Variants in ECT2L observed in about 807,000 individuals in gnomAD.
ECT2L encodes the protein epithelial cell-transforming sequence 2 oncogene-like.
Under a neutral mutation model 122.8 loss-of-function variants are expected in ECT2L, and 126 were observed. The ratio of observed to expected loss-of-function variants is 1.03; its 90% confidence interval spans 0.89 to 1.19. The LOEUF is 1.19. Among genes scored for constraint, ECT2L ranks in the 50% most tolerant of loss-of-function variants. The pLI, the probability that ECT2L is intolerant of heterozygous loss-of-function variation, is 0.00. For missense variants in ECT2L, 1,012 were observed against 1,064.1 expected (o/e 0.95, Z 0.68); for synonymous variants, 385 against 381.8 (o/e 1.01, Z -0.10).
intron 20 of ECT2L, among the ~76,000 whole-genome samples, chr6:138,893,322 C>G (rs1309542091): frequency 6.6e-6 from 1 of 151,788 alleles, no homozygotes; most frequent in African/African-American, 2.4e-5. Flanking sequence ...ACAAGTTTCC[C>G]TTGAGGTCAG....
Position 138,885,825 on chromosome 6 carries a change from G to A in ECT2L, c.2254G>A (p.Asp752Asn), listed in dbSNP as rs1268907933. ...DQIKKYKGYI[D>N]QMKQNITMKD... ...AATCAAAAAATATAAAGGTTATATA[G>A]ATCAGGTTGGTTGCTGATAAGAATC... Residue 752 changes from aspartate to asparagine, a missense_variant, in exon 18 of 22, where the codon GAT (aspartate) becomes AAT (asparagine). Asp to Asn is a conservative substitution (Grantham distance 23). Transcript: ENST00000541398. 1 of 1,612,360 alleles carries A rather than the reference G, an allele frequency of 6.2e-7. No individual in the cohort carries two copies. Among genetic ancestry groups the A allele is most frequent in the Non-Finnish European group, 8.5e-7 (1 of 1,179,270 alleles).
At chr6:138,805,944 G>T (rs927162797) in intron 1 of ECT2L, among the ~76,000 whole-genome samples, 4 of 152,196 alleles carry the variant, frequency 2.6e-5, no homozygotes, top group Non-Finnish European at 5.9e-5. Context: ...GGGAGCAATT[G>T]TTCCTGGCCA....
At chr6:138,901,754 T>C (rs1779403319) in intron 21 of ECT2L, among the ~76,000 whole-genome samples, 1 of 152,258 alleles carries the variant, frequency 6.6e-6, no homozygotes, top group South Asian at 2.1e-4. Context: ...CTTATTCCTA[T>C]ATCTGTTAGG....
intron 4 of ECT2L, among the ~76,000 whole-genome samples, chr6:138,822,568 TAAAC>T (rs1190095937): frequency 6.6e-6 from 1 of 151,604 alleles, no homozygotes; most frequent in East Asian, 1.9e-4. Flanking sequence ...AATAAATAAA[TAAAC>T]AAACAAACAA....
intron 13 of ECT2L, among the ~76,000 whole-genome samples, chr6:138,875,900 T>C (rs555643156): frequency 5.9e-5 from 9 of 152,172 alleles, no homozygotes; most frequent in African/African-American, 2.2e-4. Flanking sequence ...GCGGGCAGAT[T>C]ACCTGAGGTC....
In ECT2L at chr6:138,865,126, G is replaced by A. The variant is rs757849368; in HGVS notation, c.1422G>A (p.Gln474=). The change falls in exon 12 of 22, where the codon CAG becomes CAA. Residue 474 remains glutamine, a synonymous_variant. Transcript: ENST00000541398. ...LEETLKTVRK[Q]LYPFFKELQK... is the part of the protein sequence containing the mutation. Reference sequence around the variant, plus strand: ...AAACCTTGAAAACAGTAAGGAAGCAGCTGTATCCTTTCTTCAAGGAACTGC... The same window carrying A: ...AAACCTTGAAAACAGTAAGGAAGCAACTGTATCCTTTCTTCAAGGAACTGC... 12 of 1,613,838 alleles carry A rather than the reference G, an allele frequency of 7.4e-6. No individual in the cohort carries two copies. In the Admixed American group the frequency reaches 1.5e-4, roughly 20 times the overall value.
intron 14 of ECT2L, 65 bp from the exon 15 acceptor site, chr6:138,880,892 C>A (rs1450168014): frequency 1.4e-6 from 2 of 1,437,366 alleles, no homozygotes; most frequent in African/African-American, 1.4e-5. Flanking sequence ...CTCCGTGTAG[C>A]TGCCTGACTG....
intron 7 of ECT2L, 61 bp from the exon 8 acceptor site, chr6:138,846,478 A>G: frequency 6.7e-7 from 1 of 1,496,110 alleles, no homozygotes; most frequent in Non-Finnish European, 9.0e-7. Flanking sequence ...TATGCTGTGT[A>G]CTTACCAAAA....
At chr6:138,844,308 A>C in intron 6 of ECT2L, 104 bp from the exon 7 acceptor site, 1 of 1,339,930 alleles carries the variant, frequency 7.5e-7, no homozygotes, top group East Asian at 2.3e-5. Flanking sequence ...TGTCATTTGG[A>C]ACCTTGCCCT....
chr6:138,822,137 A>G (rs6570291), intron 4 of ECT2L, among the ~76,000 whole-genome samples: 34,584 of 152,256 alleles, frequency 0.23, 4,277 homozygotes, highest in Middle Eastern at 0.29. Context: ...TTCAACGTTT[A>G]TTCTTTTTTC....
intron 5 of ECT2L, among the ~76,000 whole-genome samples, chr6:138,838,942 C>T (rs1448696463): frequency 6.6e-6 from 1 of 152,086 alleles, no homozygotes; most frequent in Admixed American, 6.5e-5. Context: ...CCACCACGCC[C>T]AGCTAATTTT....
chr6:138,810,880 T>C (rs1186308860), intron 1 of ECT2L, among the ~76,000 whole-genome samples: 1 of 152,198 alleles, frequency 6.6e-6, no homozygotes, highest in Non-Finnish European at 1.5e-5. Context: ...ATGAGCTCTG[T>C]GCTAAAAATA....
intron 12 of ECT2L, 87 bp from the exon 13 acceptor site, chr6:138,868,016 A>T: frequency 2.9e-6 from 2 of 701,718 alleles, no homozygotes; most frequent in Non-Finnish European, 4.3e-6. Flanking sequence ...AAAAAAAAAA[A>T]AAAGAAACTG....
At chr6:138,820,727 C>CT (rs1000327183) in intron 4 of ECT2L, among the ~76,000 whole-genome samples, 6 of 152,104 alleles carry the variant, frequency 3.9e-5, no homozygotes, top group African/African-American at 1.4e-4. Context: ...CATGCATAGT[C>CT]TAAGTATTTA....
chr6:138,819,154 C>A (rs1222357825), intron 4 of ECT2L, among the ~76,000 whole-genome samples: 1 of 151,758 alleles, frequency 6.6e-6, no homozygotes, highest in Non-Finnish European at 1.5e-5. Flanking sequence ...GCCCTTCTAC[C>A]TGCATGGGCT....
chr6:138,871,077 C>A (rs1168326951), intron 13 of ECT2L, among the ~76,000 whole-genome samples: 1 of 152,004 alleles, frequency 6.6e-6, no homozygotes, highest in Non-Finnish European at 1.5e-5. Flanking sequence ...GTTCATCAGG[C>A]CAAAAAGAAT....
chr6:138,868,332 T>C (rs890211868), intron 13 of ECT2L, 126 bp downstream of exon 13: 4 of 727,834 alleles, frequency 5.5e-6, no homozygotes, highest in African/African-American at 5.4e-5. Flanking sequence ...AGAAATTACA[T>C]CAGTTTATAA....
chr6:138,828,251 T>C (rs190521385), intron 4 of ECT2L, among the ~76,000 whole-genome samples: 1 of 152,356 alleles, frequency 6.6e-6, no homozygotes, highest in Admixed American at 6.5e-5. Context: ...ACTTCTTACT[T>C]TTAAAATAAT....
intron 12 of ECT2L, among the ~76,000 whole-genome samples, chr6:138,865,838 C>G (rs1778014394): frequency 6.6e-6 from 1 of 152,230 alleles, no homozygotes; most frequent in Non-Finnish European, 1.5e-5. Flanking sequence ...TTTTCCCCTA[C>G]TACTTTCCGC....
Sources: gnomAD v4.1 joint callset for allele counts (sites outside exome capture counted in the v4.1 genomes callset) on GRCh38, gnomAD v4.1.1 for gene constraint, MANE v1.5 for transcripts, NCBI Gene and HGNC (gene_info 2026-07-23, HGNC 2026-07-21) for gene names.